The following DEPTOR variants were observed in gnomAD, a reference collection of about 807,000 sequenced individuals.
DEPTOR encodes the protein DEP domain containing MTOR interacting protein, also known as DEP domain-containing mTOR-interacting protein.
Under a neutral mutation model 41.6 loss-of-function variants are expected in DEPTOR, and 41 were observed. That is an observed-to-expected ratio of 0.98 (90% CI 0.77 to 1.28). DEPTOR has a LOEUF of 1.28. Ranked by LOEUF, DEPTOR falls within the 50% of genes most tolerant of loss-of-function variation. DEPTOR has a pLI of 0.00. For synonymous variants in DEPTOR, 195 were observed against 192.3 expected (o/e 1.01, Z -0.12); for missense variants, 514 against 527.9 (o/e 0.97, Z 0.26).
chr8:119,930,920 C>T (rs538811760), intron 3 of DEPTOR, among the ~76,000 whole-genome samples: 9 of 152,114 alleles, frequency 5.9e-5, no homozygotes, highest in East Asian at 1.9e-4. Context: ...TTGAAAAATA[C>T]GTATTTATCG....
chr8:119,877,626 A>G (rs889638265), intron 1 of DEPTOR, among the ~76,000 whole-genome samples: 2 of 152,232 alleles, frequency 1.3e-5, no homozygotes, highest in Non-Finnish European at 2.9e-5. Context: ...GAAACCAAGG[A>G]CTGGGATTTG....
At chr8:119,964,761 G>T (rs1251767652) in intron 3 of DEPTOR, among the ~76,000 whole-genome samples, 2 of 151,960 alleles carry the variant, frequency 1.3e-5, no homozygotes, top group East Asian at 1.9e-4. Context: ...AGGAGAAAAT[G>T]CATCTTGTTT....
chr8:119,983,052 C>G (rs755297985), intron 4 of DEPTOR, among the ~76,000 whole-genome samples: 1 of 152,176 alleles, frequency 6.6e-6, no homozygotes, highest in African/African-American at 2.4e-5. Context: ...ATGAAACATA[C>G]GCTTTTAAGG....
chr8:119,899,735 A>G (rs1827563020), intron 1 of DEPTOR, among the ~76,000 whole-genome samples: 1 of 152,204 alleles, frequency 6.6e-6, no homozygotes, highest in South Asian at 2.1e-4. Context: ...ATCATGTAGA[A>G]GTTCTTAAAT....
chr8:119,890,137 G>T (rs1213633488), intron 1 of DEPTOR, among the ~76,000 whole-genome samples: 1 of 152,024 alleles, frequency 6.6e-6, no homozygotes, highest in African/African-American at 2.4e-5. Flanking sequence ...GCTAATTTTT[G>T]TATTTCGGGT....
At chr8:119,903,093 T>C (rs951787325) in intron 1 of DEPTOR, among the ~76,000 whole-genome samples, 1 of 152,174 alleles carries the variant, frequency 6.6e-6, no homozygotes, top group Non-Finnish European at 1.5e-5. Context: ...GTAATATTCG[T>C]TGGCTGGGTG....
At chr8:119,949,559 C>A (rs1255110080) in intron 3 of DEPTOR, among the ~76,000 whole-genome samples, 1 of 152,170 alleles carries the variant, frequency 6.6e-6, no homozygotes, top group South Asian at 2.1e-4. Flanking sequence ...ATCCAACTAG[C>A]GGATATGAAA....
At chr8:120,007,958 T>C (rs1812470101) in intron 7 of DEPTOR, among the ~76,000 whole-genome samples, 1 of 152,216 alleles carries the variant, frequency 6.6e-6, no homozygotes, top group African/African-American at 2.4e-5. Flanking sequence ...AAAGTATTTA[T>C]TTTTGATTTT....
Position 120,009,029 on chromosome 8 carries a change from A to G in DEPTOR, c.997A>G (p.Ile333Val). 6.2e-7 allele frequency: 1 copy of G among 1,613,884 alleles called. No individual in the cohort carries two copies. ...GAPYARKTFT[I>V]VGDAVGWGFV... ...TGCTAATTGTGGTTTTCCTCTCTAG[A>G]TTGTTGGTGACGCGGTTGGCTGGGG... is the stretch of plus-strand genomic sequence containing the variant. Residue 333 changes from isoleucine (I) to valine (V), a missense_variant and splice_region_variant, in exon 8 of 9, where the codon ATT (isoleucine) becomes GTT (valine). Coordinates refer to ENST00000286234, the MANE Select transcript of DEPTOR (RefSeq NM_022783.4).
At chr8:119,965,503 A>G in intron 4 of DEPTOR, 93 bp downstream of exon 4, 3 of 1,462,090 alleles carry the variant, frequency 2.1e-6, no homozygotes, top group South Asian at 1.3e-5. Context: ...TCACTCATGA[A>G]TCTGTAAGTC....
At chr8:119,908,913 G>A (rs1205230857) in intron 1 of DEPTOR, among the ~76,000 whole-genome samples, 1 of 152,186 alleles carries the variant, frequency 6.6e-6, no homozygotes, top group Non-Finnish European at 1.5e-5. Context: ...AAATGTAACT[G>A]TGATGTAAAT....
At chr8:120,035,960 A>G (rs1289509207) in intron 8 of DEPTOR, among the ~76,000 whole-genome samples, 1 of 152,246 alleles carries the variant, frequency 6.6e-6, no homozygotes, top group Non-Finnish European at 1.5e-5. Flanking sequence ...AGGTGACATC[A>G]GTGTCGGTCA....
intron 1 of DEPTOR, among the ~76,000 whole-genome samples, chr8:119,911,269 A>G (rs1000562792): frequency 7.3e-5 from 11 of 151,618 alleles, no homozygotes; most frequent in Middle Eastern, 3.5e-3. Flanking sequence ...GACAGCAGAC[A>G]GAGCTTCAGC....
intron 1 of DEPTOR, among the ~76,000 whole-genome samples, chr8:119,899,254 G>A (rs1045636922): frequency 6.6e-6 from 1 of 152,110 alleles, no homozygotes; most frequent in African/African-American, 2.4e-5. Context: ...TTAGAAACCT[G>A]TTATTTAGCT....
At chr8:119,954,797 T>A (rs893731102) in intron 3 of DEPTOR, among the ~76,000 whole-genome samples, 1 of 152,010 alleles carries the variant, frequency 6.6e-6, no homozygotes, top group African/African-American at 2.4e-5. Context: ...GGAAATCAGC[T>A]CACATGCACA....
intron 2 of DEPTOR, among the ~76,000 whole-genome samples, chr8:119,929,583 A>T (rs1828013582): frequency 6.6e-6 from 1 of 152,158 alleles, no homozygotes; most frequent in Admixed American, 6.5e-5. Context: ...GATGATGATG[A>T]TGATGACTAT....
intron 1 of DEPTOR, among the ~76,000 whole-genome samples, chr8:119,906,202 A>G (rs1157486687): frequency 6.6e-6 from 1 of 152,044 alleles, no homozygotes; most frequent in African/African-American, 2.4e-5. Flanking sequence ...CTATAATCCC[A>G]GCACTTTGGG....
chr8:119,937,546 G>T (rs1028719653), intron 3 of DEPTOR, among the ~76,000 whole-genome samples: 7 of 152,178 alleles, frequency 4.6e-5, no homozygotes, highest in African/African-American at 1.7e-4. Context: ...ATGTGAGTGG[G>T]TTAAAGTTGT....
chr8:119,925,945 C>A (rs1474709804), intron 1 of DEPTOR, among the ~76,000 whole-genome samples: 1 of 152,064 alleles, frequency 6.6e-6, no homozygotes, highest in African/African-American at 2.4e-5. Context: ...TTCTTGATGT[C>A]TATGTGTTCA....
Sources: allele counts gnomAD v4.1 joint callset (sites outside exome capture counted in the v4.1 genomes callset), GRCh38; gene constraint gnomAD v4.1.1; transcripts MANE v1.5; gene names NCBI Gene and HGNC (gene_info 2026-07-23, HGNC 2026-07-21).